CREB1: variants seen among roughly 807,000 people sequenced by gnomAD.
The protein encoded by CREB1 is cAMP responsive element binding protein 1.
CREB1 carries 2 observed loss-of-function variants against 42.0 expected under a neutral mutation model. The observed-to-expected ratio is 0.05, with a 90% confidence interval of 0.02 to 0.15. CREB1 has a LOEUF of 0.15. Ranked by LOEUF, CREB1 falls within the 10% of genes least tolerant of loss-of-function variation. The probability of loss-of-function intolerance (pLI) is 1.00; values close to 1 mark genes in which losing one functional copy is unlikely to be tolerated. For synonymous variants in CREB1, 123 were observed against 139.9 expected (o/e 0.88, Z 0.85); for missense variants, 199 against 388.9 (o/e 0.51, Z 4.11).
intron 5 of CREB1, among the ~76,000 whole-genome samples, chr2:207,573,892 C>T (rs1355830238): frequency 2.6e-5 from 4 of 152,228 alleles, no homozygotes; most frequent in Non-Finnish European, 5.9e-5. Context: ...AGGATTCACT[C>T]ATTAACTCTA....
At chr2:207,535,889 T>TTGGCTCACTGCAACCTCTGTTTCC (rs2080851729) in intron 1 of CREB1, among the ~76,000 whole-genome samples, 1 of 152,088 alleles carries the variant, frequency 6.6e-6, no homozygotes, top group Admixed American at 6.6e-5. Context: ...TGGCACACAC[T>TTGGCTCACTGCAACCTCTGTTTCC]TGGCTCACTG....
rs901345132 is a variant in CREB1 at position 207,597,647 on chromosome 2, GTCT to G, written c.*595_*597del. On this transcript the variant is annotated 3_prime_UTR_variant, in exon 8 of 8. Coordinates refer to ENST00000353267, the MANE Select transcript of CREB1 (RefSeq NM_004379.5). The stretch of plus-strand genomic sequence containing the variant: ...ATTTGGAGTGCTTTTTATGTATGTT[GTCT>G]TCTTCAATACTGAAAATTTGTCCTT... The G allele has an allele frequency of 1.9e-4, 40 of 207,040 alleles. No homozygotes were observed. The highest frequency in any genetic ancestry group is 8.4e-4 in the African/African-American group (37 of 43,912). The allele number at this position is 207,040 out of a possible 1,614,324, so 12.8% of individuals were successfully genotyped here.
chr2:207,579,666 C>A (rs901912248), intron 7 of CREB1, among the ~76,000 whole-genome samples: 1 of 152,130 alleles, frequency 6.6e-6, no homozygotes, highest in Non-Finnish European at 1.5e-5. Context: ...GATATAGTTA[C>A]CCTACTCTTT....
Position 207,601,287 on chromosome 2 carries a change from G to C in CREB1, c.*4229G>C, listed in dbSNP as rs542394960. On this transcript the variant is annotated 3_prime_UTR_variant, in exon 8 of 8. Transcript: ENST00000353267. ...TTTAAATGACCCAGTTTGGGTATTA[G>C]CAACTTAAGAAATTCCCTCATCAAG... is the stretch of plus-strand genomic sequence containing the variant. The C allele has an allele frequency of 3.8e-4, 70 of 185,164 alleles. No homozygotes were observed. The highest frequency in any genetic ancestry group is 6.7e-4 in the Non-Finnish European group (59 of 87,414). 11.5% of individuals were successfully genotyped at this position (185,164 alleles called of 1,614,324 possible). A position where few individuals can be genotyped will look rare whatever the true frequency, so the allele number is the denominator to read the frequency against.
intron 7 of CREB1, among the ~76,000 whole-genome samples, chr2:207,596,342 A>C (rs977545343): frequency 2.0e-5 from 3 of 152,248 alleles, no homozygotes; most frequent in African/African-American, 7.2e-5. Flanking sequence ...ATAGAATTTC[A>C]AGTTTTGCAG....
intron 1 of CREB1, among the ~76,000 whole-genome samples, chr2:207,554,160 A>T (rs951963690): frequency 6.6e-6 from 1 of 152,122 alleles, no homozygotes; most frequent in Non-Finnish European, 1.5e-5. Flanking sequence ...AAGTCTGTTG[A>T]TCTTTTTCCT....
intron 1 of CREB1, among the ~76,000 whole-genome samples, chr2:207,539,817 G>A (rs530046467): frequency 2.0e-5 from 3 of 152,264 alleles, no homozygotes; most frequent in African/African-American, 7.2e-5. Context: ...ATAAAATGGA[G>A]TGTATTCTAG....
intron 1 of CREB1, among the ~76,000 whole-genome samples, chr2:207,535,334 A>T (rs1164836971): frequency 6.6e-6 from 1 of 152,180 alleles, no homozygotes; most frequent in Non-Finnish European, 1.5e-5. Context: ...TTCTGAACAG[A>T]CTACTTCTTT....
At chr2:207,561,465 T>C (rs561982300) in intron 3 of CREB1, among the ~76,000 whole-genome samples, 15 of 152,174 alleles carry the variant, frequency 9.9e-5, no homozygotes, top group Non-Finnish European at 1.3e-4. Context: ...TGCTAAAATA[T>C]TCTTCTCTGT....
chr2:207,577,366 T>C, intron 6 of CREB1, 139 bp from the exon 7 acceptor site: 2 of 1,214,146 alleles, frequency 1.6e-6, no homozygotes, highest in Non-Finnish European at 2.2e-6. Flanking sequence ...GCTGATTCTT[T>C]CAACGCTTTA....
intron 2 of CREB1, 31 bp from the exon 3 acceptor site, chr2:207,560,195 T>C: frequency 6.5e-7 from 1 of 1,528,650 alleles, no homozygotes; most frequent in Middle Eastern, 1.8e-4. Context: ...GTGTCTGGGA[T>C]GATAATTCTT....
At chr2:207,590,893 G>A (rs1384405628) in intron 7 of CREB1, among the ~76,000 whole-genome samples, 2 of 152,058 alleles carry the variant, frequency 1.3e-5, no homozygotes, top group Non-Finnish European at 2.9e-5. Flanking sequence ...CATTGGTTTA[G>A]CTGTGTCCCA....
chr2:207,567,764 T>C (rs1301941529), intron 4 of CREB1: 2 of 206,174 alleles, frequency 9.7e-6, no homozygotes. Context: ...CCAGTCCTAA[T>C]TTTTTTTTTT....
At chr2:207,561,419 A>G (rs1398681166) in intron 3 of CREB1, among the ~76,000 whole-genome samples, 2 of 152,282 alleles carry the variant, frequency 1.3e-5, no homozygotes, top group Non-Finnish European at 2.9e-5. Context: ...AGGAAGCTCA[A>G]TCTCCTGAGG....
At position 207,602,854 on chromosome 2, in the gene CREB1, C is replaced by T. The variant is rs183832672; in HGVS notation, c.*5796C>T. On this transcript the variant is annotated 3_prime_UTR_variant, in exon 8 of 8. Coordinates refer to ENST00000353267, the MANE Select transcript of CREB1 (RefSeq NM_004379.5). ...TAGCAGTTTTCCATGTAAAGTTGTC[C>T]TTGACTGATTTGTCCACATGTCAGT... 3.3e-4 allele frequency: 71 copies of T among 217,880 alleles called. 2 individuals are homozygous for T. Among genetic ancestry groups the T allele is most frequent in the African/African-American group, 1.4e-3 (64 of 44,584 alleles). The allele number at this position is 217,880 out of a possible 1,614,324, so 13.5% of individuals were successfully genotyped here.
At chr2:207,538,616 T>C (rs1222053418) in intron 1 of CREB1, among the ~76,000 whole-genome samples, 1 of 152,150 alleles carries the variant, frequency 6.6e-6, no homozygotes, top group Non-Finnish European at 1.5e-5. Flanking sequence ...GTCTAAGGAA[T>C]TGATGGTGAG....
At position 207,587,246 on chromosome 2, in the gene CREB1, A is replaced by G. The variant is rs527664719; in HGVS notation, c.839+9591A>G. On this transcript the variant is annotated intron_variant, in intron 7 of 7. Transcript: ENST00000353267. The stretch of plus-strand genomic sequence containing the variant: ...TTCTTTACTAAAAATCCAAAAATTC[A>G]GCCAGGCATGGTGGCGGGTGCCTGT... 1.4e-4 allele frequency among the ~76,000 whole-genome samples: 21 copies of G among 152,104 alleles called. No homozygotes were observed. In the South Asian group the frequency reaches 4.4e-3, roughly 32 times the overall value.
intron 1 of CREB1, among the ~76,000 whole-genome samples, chr2:207,553,398 A>G (rs1430737630): frequency 6.6e-6 from 1 of 152,108 alleles, no homozygotes; most frequent in Non-Finnish European, 1.5e-5. Context: ...GTTGTTTGTT[A>G]CATTTGATGT....
Position 207,598,626 on chromosome 2 carries a change from C to T in CREB1, c.*1568C>T, listed in dbSNP as rs1437491505. The T allele has an allele frequency of 1.2e-5, 2 of 169,086 alleles. No individual in the cohort carries two copies. The highest frequency in any genetic ancestry group is 4.8e-5 in the African/African-American group (2 of 41,966). The allele number at this position is 169,086 out of a possible 1,614,324, so 10.5% of individuals were successfully genotyped here. ...CTTTGGGAGGCCAAGGTGGGTGGATCACCTGTGGTCAAGAGTTCAAGACCA... is the reference window on the plus strand; with the variant it reads ...CTTTGGGAGGCCAAGGTGGGTGGATTACCTGTGGTCAAGAGTTCAAGACCA... On this transcript the variant is annotated 3_prime_UTR_variant, in exon 8 of 8. Coordinates refer to ENST00000353267, the MANE Select transcript of CREB1 (RefSeq NM_004379.5).
Sources: gnomAD v4.1 joint callset for allele counts (sites outside exome capture counted in the v4.1 genomes callset) on GRCh38, gnomAD v4.1.1 for gene constraint, MANE v1.5 for transcripts, NCBI Gene and HGNC (gene_info 2026-07-23, HGNC 2026-07-21) for gene names.